RPS6KL1: variants seen among roughly 807,000 people sequenced by gnomAD.
RPS6KL1 encodes the protein ribosomal protein S6 kinase like 1, also known as ribosomal protein S6 kinase-like 1.
Under a neutral mutation model 57.0 loss-of-function variants are expected in RPS6KL1, and 41 were observed. The ratio of observed to expected loss-of-function variants is 0.72; its 90% confidence interval spans 0.56 to 0.93. RPS6KL1 has a LOEUF of 0.93. Ranked by LOEUF, RPS6KL1 falls within the 40% of genes least tolerant of loss-of-function variation. RPS6KL1 has a pLI of 0.00. For synonymous variants in RPS6KL1, 287 were observed against 309.7 expected (o/e 0.93, Z 0.77); for missense variants, 697 against 727.7 (o/e 0.96, Z 0.49).
Position 74,919,831 on chromosome 14 carries a change from G to C in RPS6KL1, c.390+14C>G. 2 of 1,611,068 alleles carry C rather than the reference G, an allele frequency of 1.2e-6. No homozygotes were observed. The highest frequency in any genetic ancestry group is 1.7e-6 in the Non-Finnish European group (2 of 1,179,500). ...CCTCCCGCTCAGGCCTTTGGGTGGG[G>C]GGGGTCTCCTCACCGCGCTGGGGCT... On this transcript the variant is annotated intron_variant, in intron 4 of 11. Coordinates refer to ENST00000557413, the MANE Select transcript of RPS6KL1 (RefSeq NM_031464.5).
chr14:74,913,932 C>G (rs952746422), intron 5 of RPS6KL1, among the ~76,000 whole-genome samples: 39 of 152,246 alleles, frequency 2.6e-4, no homozygotes, highest in African/African-American at 9.4e-4. Context: ...GCCTGAGCCT[C>G]AGAGAGGTTA....
At chr14:74,912,342 G>A (rs1886151697) in intron 5 of RPS6KL1, among the ~76,000 whole-genome samples, 1 of 152,094 alleles carries the variant, frequency 6.6e-6, no homozygotes, top group Non-Finnish European at 1.5e-5. Context: ...CCTGACGGGA[G>A]GGCTGAGAAG....
At position 74,907,415 on chromosome 14, in the gene RPS6KL1, C is replaced by T; in HGVS notation, c.1539+20G>A. 6.4e-7 allele frequency: 1 copy of T among 1,557,096 alleles called. No individual in the cohort carries two copies. Among genetic ancestry groups the T allele is most frequent in the Non-Finnish European group, 8.7e-7 (1 of 1,151,494 alleles). On this transcript the variant is annotated intron_variant, in intron 11 of 11. Transcript: ENST00000557413. ...TCCTCAGGCTAGGCAGCTGCTTCCT[C>T]TGGCCGGGCTACACCTCACCTCAGT...
chr14:74,918,093 A>ATATCT (rs1887158896), intron 5 of RPS6KL1, among the ~76,000 whole-genome samples: 1 of 149,710 alleles, frequency 6.7e-6, no homozygotes, highest in Admixed American at 6.6e-5. Context: ...TCTTCTTTTT[A>ATATCT]TATTTTATTT....
intron 4 of RPS6KL1, 70 bp downstream of exon 4, chr14:74,919,775 C>G: frequency 6.4e-7 from 1 of 1,551,886 alleles, no homozygotes; most frequent in Non-Finnish European, 8.8e-7. Context: ...CTGTGGGTGT[C>G]GGGGCCTCCG....
intron 9 of RPS6KL1, 65 bp downstream of exon 9, chr14:74,909,036 T>A: frequency 1.3e-6 from 2 of 1,588,348 alleles, no homozygotes; most frequent in Admixed American, 3.3e-5. Context: ...ATTCTCAGAC[T>A]CTGGGCACAA....
At chr14:74,908,670 T>G (rs1885333605) in intron 10 of RPS6KL1, among the ~76,000 whole-genome samples, 180 bp downstream of exon 10, 1 of 152,122 alleles carries the variant, frequency 6.6e-6, no homozygotes, top group African/African-American at 2.4e-5. Flanking sequence ...AAGTTGACAG[T>G]CTCCTTAGCT....
At chr14:74,915,044 C>T (rs1184581367) in intron 5 of RPS6KL1, among the ~76,000 whole-genome samples, 1 of 152,208 alleles carries the variant, frequency 6.6e-6, no homozygotes, top group Non-Finnish European at 1.5e-5. Context: ...GTTTAATTCT[C>T]TGTAGGACAA....
chr14:74,906,618 T>TAG lies in RPS6KL1; in HGVS notation c.*395_*396insCT, dbSNP rs1203337850. 1 of 532,484 alleles carries TAG rather than the reference T, an allele frequency of 1.9e-6. No individual in the cohort carries two copies. Among genetic ancestry groups the TAG allele is most frequent in the Non-Finnish European group, 3.8e-6 (1 of 260,576 alleles). The allele number at this position is 532,484 out of a possible 1,614,324, so 33.0% of individuals were successfully genotyped here. On this transcript the variant is annotated 3_prime_UTR_variant, in exon 12 of 12. Transcript: ENST00000557413. ...GTGTCCTGAGATGAGTCTCCAGAGA[T>TAG]GTCCTGAGTGGGGCACAACATGGCA...
chr14:74,909,348 A>T, intron 8 of RPS6KL1, 158 bp from the exon 9 acceptor site: 1 of 972,626 alleles, frequency 1.0e-6, no homozygotes, highest in Non-Finnish European at 1.6e-6. Flanking sequence ...GAGGCACAGC[A>T]CTCTGAGGCC....
At chr14:74,910,826 G>A (rs926808342) in intron 7 of RPS6KL1, 23 of 210,256 alleles carry the variant, frequency 1.1e-4, no homozygotes, top group Non-Finnish European at 1.9e-4. Context: ...CCCCTGGTCT[G>A]TGCTGTACAT....
intron 2 of RPS6KL1, 48 bp from the exon 3 acceptor site, chr14:74,921,609 C>A: frequency 6.5e-7 from 1 of 1,540,728 alleles, no homozygotes; most frequent in East Asian, 2.4e-5. Context: ...TAGCAACACC[C>A]CTATCCGCAC....
intron 10 of RPS6KL1, among the ~76,000 whole-genome samples, chr14:74,908,394 A>C (rs1022886239): frequency 1.3e-5 from 2 of 152,040 alleles, no homozygotes; most frequent in African/African-American, 2.4e-5. Flanking sequence ...GGATCTTTTG[A>C]GCTCTTGGCT....
rs2140228509 is a variant in RPS6KL1 at position 74,906,209 on chromosome 14, T to C, written c.*805A>G. The C allele has an allele frequency of 3.6e-6, 1 of 281,044 alleles. No individual in the cohort carries two copies. Among genetic ancestry groups the C allele is most frequent in the Non-Finnish European group, 7.1e-6 (1 of 140,510 alleles). The allele number at this position is 281,044 out of a possible 1,614,324, so 17.4% of individuals were successfully genotyped here. A position where few individuals can be genotyped will look rare whatever the true frequency, so the allele number is the denominator to read the frequency against. On this transcript the variant is annotated 3_prime_UTR_variant, in exon 12 of 12. Coordinates refer to ENST00000557413, the MANE Select transcript of RPS6KL1 (RefSeq NM_031464.5). ...GCCTGGAAGCTGAATTGCTGTCCTC[T>C]TGCACCCCTGGGGCAGGCTGCCCCT...
rs1275725718 is a variant in RPS6KL1, at chr14:74,905,484, C to A, written c.*1530G>T. On this transcript the variant is annotated 3_prime_UTR_variant, in exon 12 of 12. Coordinates refer to ENST00000557413, the MANE Select transcript of RPS6KL1 (RefSeq NM_031464.5). ...TGGTCCTCCCCGACCCCACCCCTTC[C>A]CCTGAGGCCCACATGGCATGCTGCT... 2 of 152,222 alleles carry A rather than the reference C, an allele frequency of 1.3e-5. No homozygotes were observed. Among genetic ancestry groups the A allele is most frequent in the Non-Finnish European group, 2.9e-5 (2 of 68,092 alleles). 9.4% of individuals were successfully genotyped at this position (152,222 alleles called of 1,614,324 possible). A position where few individuals can be genotyped will look rare whatever the true frequency, so the allele number is the denominator to read the frequency against.
intron 10 of RPS6KL1, among the ~76,000 whole-genome samples, chr14:74,907,876 C>T (rs908510574): frequency 4.6e-5 from 7 of 152,176 alleles, no homozygotes; most frequent in African/African-American, 1.2e-4. Flanking sequence ...AAAATCCACA[C>T]GGGCTGTTCA....
intron 5 of RPS6KL1, among the ~76,000 whole-genome samples, chr14:74,916,768 C>T (rs1886918791): frequency 6.6e-6 from 1 of 152,202 alleles, no homozygotes; most frequent in Non-Finnish European, 1.5e-5. Context: ...AAACCACTTT[C>T]CTGAGGCTAA....
chr14:74,911,172 A>T, intron 7 of RPS6KL1, 76 bp downstream of exon 7: 1 of 1,456,118 alleles, frequency 6.9e-7, no homozygotes, highest in Non-Finnish European at 9.5e-7. Flanking sequence ...ACGCCCTGCC[A>T]GGGCTCCGCA....
chr14:74,918,657 G>A, intron 4 of RPS6KL1, 52 bp from the exon 5 acceptor site: 1 of 1,388,670 alleles, frequency 7.2e-7, no homozygotes. Context: ...AGCCCTCCTT[G>A]GCCATGGCCT....
Sources: gnomAD v4.1 joint callset for allele counts (sites outside exome capture counted in the v4.1 genomes callset) on GRCh38, gnomAD v4.1.1 for gene constraint, MANE v1.5 for transcripts, NCBI Gene and HGNC (gene_info 2026-07-23, HGNC 2026-07-21) for gene names.